GREB1L: variants seen among roughly 807,000 people sequenced by gnomAD.
GREB1L encodes GREB1 like retinoic acid receptor coactivator.
In GREB1L, 17 loss-of-function variants were observed where a neutral mutation model predicts 200.8. The observed-to-expected ratio is 0.08, with a 90% CI of 0.06 to 0.13. GREB1L has a LOEUF of 0.13. Ranked by LOEUF, GREB1L falls within the 10% of genes least tolerant of loss-of-function variation. The pLI is 1.00. For synonymous variants in GREB1L, 789 were observed against 893.0 expected (o/e 0.88, Z 2.08); for missense variants, 1,657 against 2,367.7 (o/e 0.70, Z 6.23).
At chr18:21,457,160 T>C (rs1460579320) in intron 15 of GREB1L, among the ~76,000 whole-genome samples, 1 of 152,184 alleles carries the variant, frequency 6.6e-6, no homozygotes, top group Non-Finnish European at 1.5e-5. Flanking sequence ...GAATAAATTG[T>C]GCAGGTTTTT....
chr18:21,252,499 G>A (rs2037725755), intron 1 of GREB1L, among the ~76,000 whole-genome samples: 6 of 150,594 alleles, frequency 4.0e-5, no homozygotes, highest in Admixed American at 3.3e-4. Flanking sequence ...GGAGGTTGCG[G>A]TGAGCCGAGA....
chr18:21,337,963 G>T (rs1178359224), intron 1 of GREB1L, among the ~76,000 whole-genome samples: 6 of 152,046 alleles, frequency 3.9e-5, no homozygotes, highest in Non-Finnish European at 7.4e-5. Context: ...CTGCAGCCTA[G>T]GCGACAGAGC....
chr18:21,359,060 G>A (rs2039545836), intron 1 of GREB1L, among the ~76,000 whole-genome samples: 1 of 152,172 alleles, frequency 6.6e-6, no homozygotes, highest in Admixed American at 6.5e-5. Context: ...TTATGGATAA[G>A]GAAATGGCGG....
chr18:21,372,953 C>T (rs2039938139), intron 2 of GREB1L, among the ~76,000 whole-genome samples: 3 of 150,432 alleles, frequency 2.0e-5, no homozygotes, highest in South Asian at 4.2e-4. Flanking sequence ...TTTTTTTGCT[C>T]ATCAGCTATT....
intron 4 of GREB1L, chr18:21,387,692 G>A (rs1598738330): frequency 1.3e-5 from 2 of 152,224 alleles, no homozygotes; most frequent in East Asian, 3.9e-4. Flanking sequence ...TTTAGTTCAA[G>A]GTTTTAACTG....
Position 21,444,160 on chromosome 18 carries a change from A to G in GREB1L, c.1208-64A>G, listed in dbSNP as rs2034076677. 4.2e-6 allele frequency: 5 copies of G among 1,178,364 alleles called. 1 individual carries two copies. Among genetic ancestry groups the G allele is most frequent in the Non-Finnish European group, 5.9e-6 (5 of 843,484 alleles). The allele number at this position is 1,178,364 out of a possible 1,614,324, so 73.0% of individuals were successfully genotyped here. A position where few individuals can be genotyped will look rare whatever the true frequency, so the allele number is the denominator to read the frequency against. The stretch of plus-strand genomic sequence containing the variant: ...AAGCAGCTTTGATCGTCGTTGAGCA[A>G]GTGTACCTGGTTGGACCATAAAAAG... On this transcript the variant is annotated intron_variant, in intron 10 of 32. Transcript: ENST00000424526.
chr18:21,412,016 C>G (rs1394476164), intron 7 of GREB1L, among the ~76,000 whole-genome samples: 10 of 132,146 alleles, frequency 7.6e-5, no homozygotes. Flanking sequence ...CTGCAGTCCT[C>G]AGTCCGGCCT....
chr18:21,343,129 T>C (rs866424803), intron 1 of GREB1L, among the ~76,000 whole-genome samples: 1 of 150,874 alleles, frequency 6.6e-6, no homozygotes, highest in Non-Finnish European at 1.5e-5. Context: ...TGGTTTCTTA[T>C]CTGGAAAAAA....
At chr18:21,478,493 C>T (rs910596439) in intron 17 of GREB1L, among the ~76,000 whole-genome samples, 3 of 152,126 alleles carry the variant, frequency 2.0e-5, no homozygotes, top group Non-Finnish European at 4.4e-5. Flanking sequence ...ATAAAACTAA[C>T]ATTTATTTTT....
chr18:21,475,566 C>T (rs1008614280), intron 16 of GREB1L, among the ~76,000 whole-genome samples: 6 of 151,990 alleles, frequency 3.9e-5, no homozygotes, highest in African/African-American at 1.4e-4. Context: ...ACATCTTGGC[C>T]AGGCCAGCCT....
intron 1 of GREB1L, among the ~76,000 whole-genome samples, chr18:21,343,589 T>G (rs777492490): frequency 3.9e-5 from 6 of 152,156 alleles, no homozygotes; most frequent in African/African-American, 7.2e-5. Flanking sequence ...CCAGAAGTGC[T>G]TAGTAGTTTG....
intron 1 of GREB1L, among the ~76,000 whole-genome samples, chr18:21,350,530 C>G (rs116283248): frequency 1.3e-5 from 2 of 152,080 alleles, no homozygotes; most frequent in Non-Finnish European, 2.9e-5. Context: ...TGAGCCGCTG[C>G]GCCCAGCTAG....
intron 1 of GREB1L, among the ~76,000 whole-genome samples, chr18:21,349,304 C>A (rs1598682937): frequency 6.6e-6 from 1 of 151,950 alleles, no homozygotes; most frequent in East Asian, 1.9e-4. Flanking sequence ...GTGTATAAGT[C>A]TCCTTACAGA....
chr18:21,450,896 A>G, intron 12 of GREB1L, 127 bp from the exon 13 acceptor site: 6 of 806,818 alleles, frequency 7.4e-6, no homozygotes, highest in Non-Finnish European at 1.2e-5. Flanking sequence ...TTGATGTGTC[A>G]TAATTTTCTT....
At chr18:21,402,245 C>A (rs1450852511) in intron 6 of GREB1L, among the ~76,000 whole-genome samples, 1 of 151,968 alleles carries the variant, frequency 6.6e-6, no homozygotes, top group African/African-American at 2.4e-5. Flanking sequence ...TGTCATGAAT[C>A]CTAAGAAAAG....
chr18:21,525,588 A>G lies in GREB1L; in HGVS notation c.*2767A>G, dbSNP rs929240555. Among the ~76,000 whole-genome samples, 1 of 152,222 alleles carries G rather than the reference A, an allele frequency of 6.6e-6. No homozygotes were observed. The highest frequency in any genetic ancestry group is 2.4e-5 in the African/African-American group (1 of 41,464). On this transcript the variant is annotated 3_prime_UTR_variant, in exon 33 of 33. Transcript: ENST00000424526. ...AGTAGATACCAATCTTTTATTTGAC[A>G]GATTGCAACTACACTCACTTTGATG... is the stretch of plus-strand genomic sequence containing the variant.
At chr18:21,383,133 G>A (rs2040393572) in intron 2 of GREB1L, among the ~76,000 whole-genome samples, 2 of 152,106 alleles carry the variant, frequency 1.3e-5, no homozygotes, top group South Asian at 4.1e-4. Flanking sequence ...ACCACTGATA[G>A]AGTTTCTAGG....
intron 1 of GREB1L, among the ~76,000 whole-genome samples, chr18:21,278,403 AAT>A (rs2038212253): frequency 6.9e-6 from 1 of 145,906 alleles, no homozygotes; most frequent in Non-Finnish European, 1.5e-5. Flanking sequence ...TAAATAAATA[AAT>A]AAATAAATAA....
At chr18:21,273,545 A>G (rs2038112870) in intron 1 of GREB1L, among the ~76,000 whole-genome samples, 4 of 152,232 alleles carry the variant, frequency 2.6e-5, no homozygotes, top group South Asian at 2.1e-4. Flanking sequence ...GAAGATAACT[A>G]ATACACACAC....
Sources: allele counts gnomAD v4.1 joint callset (sites outside exome capture counted in the v4.1 genomes callset), GRCh38; gene constraint gnomAD v4.1.1; transcripts MANE v1.5; gene names NCBI Gene and HGNC (gene_info 2026-07-23, HGNC 2026-07-21).